The following FGF13 variants were observed in gnomAD, a reference collection of about 807,000 sequenced individuals.
The protein encoded by FGF13 is fibroblast growth factor 13, also known as fibroblast growth factor homologous factor 2.
Under a neutral mutation model 19.5 loss-of-function variants are expected in FGF13, and 2 were observed. That is an observed-to-expected ratio of 0.10 (90% CI 0.04 to 0.32). FGF13 has a LOEUF of 0.32. FGF13 is among the 10% of genes least tolerant of loss of function. FGF13 has a pLI of 1.00. For missense variants in FGF13, 113 were observed against 192.7 expected (o/e 0.59, Z 2.45); for synonymous variants, 72 against 76.9 (o/e 0.94, Z 0.33).
intron 3 of FGF13, among the ~76,000 whole-genome samples, chrX:138,686,132 G>GA (rs769713671): frequency 1.8e-4 from 20 of 111,168 alleles, no homozygotes; most frequent in Non-Finnish European, 1.9e-5. Context: ...CGTTCTAAGG[G>GA]AAAAAAATAC....
rs1361522645 is a variant in FGF13 at position 138,632,881 on chromosome X, C to T, written c.707G>A (p.Gly236Asp). Reference sequence around the variant, plus strand: ...TGATTCATTGTGGCTCATGGATTTGCCTCCGTTCAGCACGCCAGAGACACT... The same window carrying T: ...TGATTCATTGTGGCTCATGGATTTGTCTCCGTTCAGCACGCCAGAGACACT... ...SRSVSGVLNGGKSMSHNEST is the reference protein window; with the variant it reads ...SRSVSGVLNGDKSMSHNEST Residue 236 changes from glycine (G) to aspartate (D), a missense_variant, in exon 5 of 5, where the codon GGC becomes GAC. Transcript: ENST00000315930. The T allele has an allele frequency of 1.7e-6, 2 of 1,207,254 alleles. No homozygotes were observed. The highest frequency in any genetic ancestry group is 1.1e-6 in the Non-Finnish European group (1 of 893,997).
intron 1 of FGF13, among the ~76,000 whole-genome samples, chrX:139,094,622 A>G (rs1692634902): frequency 1.8e-5 from 2 of 112,754 alleles, no homozygotes; most frequent in African/African-American, 6.4e-5. Context: ...AATCAATTAC[A>G]AAATATGTTT....
chrX:138,647,661 G>A (rs2089322438), intron 3 of FGF13, among the ~76,000 whole-genome samples: 1 of 111,930 alleles, frequency 8.9e-6, no homozygotes, highest in Non-Finnish European at 1.9e-5. Context: ...GGATTTTGAT[G>A]ACATTAAATT....
chrX:138,845,149 C>T (rs190098543), intron 3 of FGF13, among the ~76,000 whole-genome samples: 98 of 111,020 alleles, frequency 8.8e-4, no homozygotes, highest in African/African-American at 3.1e-3. Flanking sequence ...ATATATTTAG[C>T]GGGTTTAAGC....
At chrX:138,915,811 T>A (rs2091615082) in intron 1 of FGF13, among the ~76,000 whole-genome samples, 1 of 112,081 alleles carries the variant, frequency 8.9e-6, no homozygotes, top group Non-Finnish European at 1.9e-5. Context: ...TTTTGAAGGA[T>A]TAGATGTGAA....
intron 3 of FGF13, among the ~76,000 whole-genome samples, chrX:138,691,053 C>T (rs1007802968): frequency 1.3e-4 from 15 of 111,280 alleles, no homozygotes; most frequent in South Asian, 3.8e-4. Context: ...TTTTATGCTT[C>T]GACTTCCCTG....
intron 3 of FGF13, among the ~76,000 whole-genome samples, chrX:138,678,970 G>A (rs2089700970): frequency 8.9e-6 from 1 of 112,254 alleles, no homozygotes; most frequent in Admixed American, 9.4e-5. Context: ...GCCTTAGTCC[G>A]ATGCTCATTC....
chrX:138,669,896 T>C (rs909212145), intron 3 of FGF13, among the ~76,000 whole-genome samples: 8 of 111,792 alleles, frequency 7.2e-5, no homozygotes, highest in Non-Finnish European at 1.5e-4. Context: ...CATGGGAAAC[T>C]GTTTCAAAGG....
chrX:138,953,627 A>G (rs752532296), intron 1 of FGF13, among the ~76,000 whole-genome samples: 8 of 111,665 alleles, frequency 7.2e-5, no homozygotes, highest in Non-Finnish European at 3.8e-5. Flanking sequence ...AAAACAAACA[A>G]CCACGGCAAC....
intron 1 of FGF13, among the ~76,000 whole-genome samples, chrX:138,914,919 G>T (rs1006689791): frequency 1.2e-4 from 13 of 111,330 alleles, no homozygotes; most frequent in African/African-American, 3.6e-4. Context: ...CTGTGCACAT[G>T]GACAATTCTT....
chrX:138,756,063 C>T (rs1314037203), intron 3 of FGF13, among the ~76,000 whole-genome samples: 1 of 112,007 alleles, frequency 8.9e-6, no homozygotes. Flanking sequence ...AGGTGTCCAT[C>T]TGTAAGCCAA....
intron 1 of FGF13, among the ~76,000 whole-genome samples, chrX:138,878,973 T>C (rs1052414869): frequency 3.6e-5 from 4 of 112,015 alleles, no homozygotes; most frequent in African/African-American, 1.3e-4. Flanking sequence ...TCTGTTCATA[T>C]CCTTCGCCCA....
chrX:138,905,941 G>T (rs2091555873), intron 1 of FGF13, among the ~76,000 whole-genome samples: 1 of 111,631 alleles, frequency 9.0e-6, no homozygotes, highest in African/African-American at 3.3e-5. Context: ...TGCTCTTCTG[G>T]TTGGAGTTTA....
chrX:138,728,833 G>A (rs2124285596), intron 1 of FGF13, among the ~76,000 whole-genome samples: 1 of 111,230 alleles, frequency 9.0e-6, no homozygotes, highest in African/African-American at 3.3e-5. Context: ...GGAACACAGA[G>A]CTTGCAGAAG....
rs2091934610 is a variant in FGF13 at position 138,975,104 on chromosome X, T to G, written c.-112-110454A>C. Among the ~76,000 whole-genome samples, 3 of 112,796 alleles carry G rather than the reference T, an allele frequency of 2.7e-5. No individual in the cohort carries two copies. The South Asian group carries it at 1.1e-3, about 41-fold the overall frequency. ...CTTCTGTGCCATTCAAGCAAATTGCTTCAAGCAGCCTTGGCTGATTTTTCA... is the reference window on the plus strand; with the variant it reads ...CTTCTGTGCCATTCAAGCAAATTGCGTCAAGCAGCCTTGGCTGATTTTTCA... On this transcript the variant is annotated intron_variant, in intron 1 of 2. Coordinates refer to the FGF13 transcript ENST00000421460.
chrX:138,891,210 G>A (rs1033019457), intron 1 of FGF13, among the ~76,000 whole-genome samples: 2 of 111,735 alleles, frequency 1.8e-5, no homozygotes, highest in Non-Finnish European at 3.8e-5. Flanking sequence ...CCGTGAACTC[G>A]GGAGGCGGAG....
intron 1 of FGF13, among the ~76,000 whole-genome samples, chrX:139,039,598 G>A (rs1019196830): frequency 2.7e-5 from 3 of 111,576 alleles, no homozygotes; most frequent in Non-Finnish European, 5.7e-5. Context: ...TACAACTAAG[G>A]TAGTTTGTAA....
intron 3 of FGF13, among the ~76,000 whole-genome samples, chrX:138,778,267 G>A (rs905573761): frequency 3.7e-5 from 4 of 107,266 alleles, no homozygotes; most frequent in Non-Finnish European, 7.7e-5. Context: ...ACTATAATGA[G>A]ATATTACCAC....
chrX:138,956,072 A>T (rs952746535), intron 1 of FGF13, among the ~76,000 whole-genome samples: 1 of 111,660 alleles, frequency 9.0e-6, no homozygotes, highest in African/African-American at 3.3e-5. Flanking sequence ...AGACAAGCCC[A>T]ATAATAGCTT....
Sources: allele counts gnomAD v4.1 joint callset (sites outside exome capture counted in the v4.1 genomes callset), GRCh38; gene constraint gnomAD v4.1.1; transcripts MANE v1.5; gene names NCBI Gene and HGNC (gene_info 2026-07-23, HGNC 2026-07-21).